The following SLIT1 variants were observed in gnomAD, a reference collection of about 807,000 sequenced individuals.
The protein encoded by SLIT1 is slit guidance ligand 1.
In SLIT1, 66 loss-of-function variants were observed where a neutral mutation model predicts 186.1. The ratio of observed to expected loss-of-function variants is 0.35; its 90% CI spans 0.29 to 0.44. The LOEUF (loss-of-function observed/expected upper bound fraction) is 0.44. Ranked by LOEUF, SLIT1 falls within the 20% of genes least tolerant of loss-of-function variation. The pLI is 1.00. For missense variants in SLIT1, 1,638 were observed against 2,037.4 expected, an observed-to-expected ratio of 0.80 and a Z score of 3.77; for synonymous variants, 761 against 833.8, an observed-to-expected ratio of 0.91 and a Z score of 1.50.
chr10:97,040,904 G>A (rs186438084), intron 20 of SLIT1, among the ~76,000 whole-genome samples: 64 of 152,284 alleles, frequency 4.2e-4, no homozygotes, highest in African/African-American at 1.5e-3. Context: ...GGGTGACAGT[G>A]ACCATCAGTT....
At chr10:97,170,638 C>A (rs976058096) in intron 1 of SLIT1, among the ~76,000 whole-genome samples, 3 of 152,224 alleles carry the variant, frequency 2.0e-5, no homozygotes, top group African/African-American at 7.2e-5. Flanking sequence ...ATCCTTCTCC[C>A]CAAGGAGGAA....
chr10:97,176,060 G>A (rs375701481), intron 1 of SLIT1, among the ~76,000 whole-genome samples: 1 of 152,010 alleles, frequency 6.6e-6, no homozygotes. Context: ...GCCTCATTAA[G>A]ACTATAGAGC....
At chr10:97,067,994 G>A (rs918306637) in intron 4 of SLIT1, among the ~76,000 whole-genome samples, 5 of 152,220 alleles carry the variant, frequency 3.3e-5, no homozygotes, top group African/African-American at 1.2e-4. Flanking sequence ...GGTGTGCACA[G>A]AGCCCTGAGT....
intron 20 of SLIT1, 28 bp downstream of exon 20, chr10:97,042,873 C>A: frequency 1.2e-6 from 2 of 1,609,058 alleles, no homozygotes; most frequent in Non-Finnish European, 1.7e-6. Context: ...GGCGCCCTCT[C>A]CCTTGCCACC....
chr10:97,024,693 T>C (rs577636255), intron 25 of SLIT1, among the ~76,000 whole-genome samples: 5 of 152,350 alleles, frequency 3.3e-5, no homozygotes, highest in African/African-American at 1.2e-4. Context: ...AAGTGTGATG[T>C]CACATAAGTA....
At chr10:97,087,200 C>A (rs933527178) in intron 4 of SLIT1, among the ~76,000 whole-genome samples, 1 of 151,886 alleles carries the variant, frequency 6.6e-6, no homozygotes, top group African/African-American at 2.4e-5. Flanking sequence ...GCCCCACACA[C>A]AGCTGTCATT....
At chr10:97,177,668 G>C (rs1850274643) in intron 1 of SLIT1, among the ~76,000 whole-genome samples, 1 of 152,140 alleles carries the variant, frequency 6.6e-6, no homozygotes. Context: ...AGAGTACTAT[G>C]AAACCATAAA....
intron 35 of SLIT1, 67 bp from the exon 36 acceptor site, chr10:97,002,436 C>T: frequency 7.8e-7 from 1 of 1,282,558 alleles, no homozygotes; most frequent in Non-Finnish European, 1.1e-6. Context: ...CACAGCCCGC[C>T]CCACCTGACA....
chr10:97,185,624 C>G lies in SLIT1; in HGVS notation c.51G>C (p.Glu17Asp). Residue 17 changes from glutamate to aspartate, a missense_variant, in exon 1 of 37, where the codon GAG (glutamate) becomes GAC (aspartate). Around this residue, in one of 3 missense-constraint regions of SLIT1, gnomAD observed 1,245 missense variants for 1,535.3 expected, o/e 0.81. Transcript: ENST00000266058. ...WGSSAGPVRP[E>D]LWLLLWAAAW... ...CGGCTGCCCACAGCAGCAGCCAGAG[C>G]TCCGGCCGGACCGGCCCCGCCGAGG... 6.4e-7 allele frequency: 1 copy of G among 1,553,112 alleles called. No homozygotes were observed. Among genetic ancestry groups the G allele is most frequent in the Non-Finnish European group, 8.7e-7 (1 of 1,150,570 alleles).
chr10:97,095,990 G>A (rs893539138), intron 4 of SLIT1, among the ~76,000 whole-genome samples: 10 of 152,188 alleles, frequency 6.6e-5, no homozygotes, highest in African/African-American at 2.2e-4. Flanking sequence ...GAGTTGAGAG[G>A]TGCAAGGTCC....
intron 1 of SLIT1, among the ~76,000 whole-genome samples, chr10:97,168,112 G>A (rs1201433528): frequency 6.6e-6 from 1 of 152,224 alleles, no homozygotes; most frequent in East Asian, 1.9e-4. Context: ...TCACTGCTAA[G>A]TGGTAGGACT....
Position 97,014,244 on chromosome 10 carries a change from C to T in SLIT1, c.2970-86G>A, listed in dbSNP as rs116312924. On this transcript the variant is annotated intron_variant, in intron 28 of 36. Coordinates refer to ENST00000266058, the MANE Select transcript of SLIT1 (RefSeq NM_003061.3). ...GCTGCCGGTTAATATCACCATTCCA[C>T]GGAGTTAGGGTCCCTAATCCCGGCC... is the stretch of plus-strand genomic sequence containing the variant. 4,535 of 1,505,978 alleles carry T rather than the reference C, an allele frequency of 3.0e-3. 104 individuals carry two copies. In the African/African-American group the frequency reaches 0.055, roughly 18 times the overall value. The allele number at this position is 1,505,978 out of a possible 1,614,324, so 93.3% of individuals were successfully genotyped here. A position where few individuals can be genotyped will look rare whatever the true frequency, so the allele number is the denominator to read the frequency against.
intron 4 of SLIT1, among the ~76,000 whole-genome samples, chr10:97,112,222 A>G (rs1440561520): frequency 1.3e-5 from 2 of 151,946 alleles, no homozygotes; most frequent in African/African-American, 4.8e-5. Flanking sequence ...GCCAAGCTTC[A>G]CTGCCAAGCT....
At chr10:97,028,978 C>G (rs1355961876) in intron 25 of SLIT1, among the ~76,000 whole-genome samples, 1 of 152,194 alleles carries the variant, frequency 6.6e-6, no homozygotes, top group Non-Finnish European at 1.5e-5. Flanking sequence ...TCACAGCACC[C>G]CTCCCACTGA....
At chr10:97,078,857 A>G (rs1199861890) in intron 4 of SLIT1, among the ~76,000 whole-genome samples, 2 of 152,222 alleles carry the variant, frequency 1.3e-5, no homozygotes, top group Admixed American at 6.5e-5. Flanking sequence ...GTGACCTGCT[A>G]GTCCTGGGCG....
chr10:97,030,557 G>A (rs1848581991), intron 25 of SLIT1, among the ~76,000 whole-genome samples, 200 bp downstream of exon 25: 1 of 152,220 alleles, frequency 6.6e-6, no homozygotes, highest in African/African-American at 2.4e-5. Context: ...CGCTTGCGAG[G>A]AACTGTTCTT....
chr10:97,058,508 C>T (rs376403786), intron 11 of SLIT1, among the ~76,000 whole-genome samples: 4 of 152,234 alleles, frequency 2.6e-5, no homozygotes, highest in Non-Finnish European at 5.9e-5. Flanking sequence ...CCAATGACAA[C>T]GATCCCTCAC....
intron 4 of SLIT1, among the ~76,000 whole-genome samples, chr10:97,127,280 C>T (rs978413425): frequency 2.2e-5 from 3 of 134,184 alleles, no homozygotes; most frequent in Non-Finnish European, 3.4e-5. Flanking sequence ...AGCGAGACTC[C>T]GTCTCAAAAA....
At chr10:97,145,464 A>T (rs1475014359) in intron 4 of SLIT1, among the ~76,000 whole-genome samples, 3 of 152,102 alleles carry the variant, frequency 2.0e-5, no homozygotes, top group South Asian at 2.1e-4. Context: ...TTCCTTTCAG[A>T]TGAGCATCCA....
Sources: allele counts gnomAD v4.1 joint callset (sites outside exome capture counted in the v4.1 genomes callset), GRCh38; gene constraint gnomAD v4.1.1; regional missense constraint gnomAD v4.1.1; transcripts MANE v1.5; gene names NCBI Gene and HGNC (gene_info 2026-07-23, HGNC 2026-07-21).